Variants in PRDM5 observed in about 807,000 individuals in gnomAD.
The protein encoded by PRDM5 is PR/SET domain 5.
Under a neutral mutation model 81.2 loss-of-function variants are expected in PRDM5, and 56 were observed. That is an observed-to-expected ratio of 0.69 (90% CI 0.56 to 0.86). The LOEUF (loss-of-function observed/expected upper bound fraction) is 0.86. PRDM5 is among the 40% of genes least tolerant of loss of function. The pLI, the probability that PRDM5 is intolerant of heterozygous loss-of-function variation, is 0.00. For missense variants in PRDM5, 697 were observed against 770.1 expected (o/e 0.91, Z 1.12); for synonymous variants, 267 against 256.4 (o/e 1.04, Z -0.39).
chr4:120,838,277 T>C (rs548087709), intron 3 of PRDM5: 1 of 152,292 alleles, frequency 6.6e-6, no homozygotes, highest in East Asian at 1.9e-4. Flanking sequence ...GGGAATAAGA[T>C]AAAGCTTTTT....
intron 13 of PRDM5, among the ~76,000 whole-genome samples, chr4:120,774,912 ATG>A (rs1263974468): frequency 1.4e-5 from 2 of 147,502 alleles, no homozygotes; most frequent in Admixed American, 6.8e-5. Flanking sequence ...ATATATGTAT[ATG>A]TATATGTATA....
chr4:120,825,625 T>C lies in PRDM5; in HGVS notation c.301-4280A>G, dbSNP rs1578887477. ...GAGTCACCACTATCTATGACCTGGA[T>C]TAGTTTAATAGCCTCCCAGCTGTAA... On this transcript the variant is annotated intron_variant, in intron 3 of 15. Transcript: ENST00000264808. 2.0e-5 allele frequency among the ~76,000 whole-genome samples: 3 copies of C among 152,334 alleles called. No homozygotes were observed. The South Asian group carries it at 6.2e-4, about 32-fold the overall frequency.
intron 2 of PRDM5, among the ~76,000 whole-genome samples, chr4:120,871,322 T>C (rs1032045223): frequency 1.3e-5 from 2 of 152,192 alleles, no homozygotes; most frequent in Non-Finnish European, 2.9e-5. Flanking sequence ...TGAGCCCTAG[T>C]TCCCTCACTG....
At chr4:120,798,741 C>T (rs1030377722) in intron 9 of PRDM5, among the ~76,000 whole-genome samples, 4 of 152,144 alleles carry the variant, frequency 2.6e-5, no homozygotes, top group African/African-American at 4.8e-5. Flanking sequence ...AGGGTCAGGG[C>T]CCCAAATACA....
At chr4:120,855,597 T>C (rs1759782988) in intron 2 of PRDM5, among the ~76,000 whole-genome samples, 1 of 152,214 alleles carries the variant, frequency 6.6e-6, no homozygotes. Context: ...CAGTTCACAT[T>C]TTTTTGGCAG....
chr4:120,696,343 T>A (rs1734512954), intron 15 of PRDM5, among the ~76,000 whole-genome samples: 1 of 152,168 alleles, frequency 6.6e-6, no homozygotes, highest in Non-Finnish European at 1.5e-5. Context: ...TTTTACACAG[T>A]ACCTGTCACT....
downstream of PRDM5, among the ~76,000 whole-genome samples, chr4:120,684,296 T>C (rs563547473): frequency 1.3e-5 from 2 of 152,012 alleles, no homozygotes; most frequent in South Asian, 4.1e-4. Flanking sequence ...CCAAATAAGA[T>C]GAGAAATATT....
intron 15 of PRDM5, 37 bp downstream of exon 15, chr4:120,710,272 T>C (rs1736775199): frequency 3.2e-6 from 5 of 1,547,384 alleles, no homozygotes; most frequent in South Asian, 1.1e-5. Flanking sequence ...CTTTCTGTTA[T>C]TGGAAGACAC....
At chr4:120,823,727 C>T (rs974320470) in intron 3 of PRDM5, among the ~76,000 whole-genome samples, 9 of 152,214 alleles carry the variant, frequency 5.9e-5, no homozygotes, top group Admixed American at 5.2e-4. Context: ...CACCTGGAGG[C>T]TCATCCCAGG....
Position 120,842,703 on chromosome 4 carries a change from T to C in PRDM5, c.300+10715A>G, listed in dbSNP as rs193120143. On this transcript the variant is annotated intron_variant, in intron 3 of 15. Coordinates refer to ENST00000264808, the MANE Select transcript of PRDM5 (RefSeq NM_018699.4). The stretch of plus-strand genomic sequence containing the variant: ...ATTTTAAAATTTTTAAATTAAACAC[T>C]ATAATTTAATCTAAATATGAAATGT... 1.8e-4 allele frequency among the ~76,000 whole-genome samples: 28 copies of C among 152,340 alleles called. No individual in the cohort carries two copies. The East Asian group carries it at 5.2e-3, about 28-fold the overall frequency.
intron 14 of PRDM5, among the ~76,000 whole-genome samples, chr4:120,742,442 G>T (rs546811844): frequency 1.3e-5 from 2 of 152,194 alleles, no homozygotes; most frequent in African/African-American, 4.8e-5. Flanking sequence ...TGACTTTGAC[G>T]AGTTGAGAGA....
chr4:120,898,872 G>C (rs1434657789), intron 2 of PRDM5, among the ~76,000 whole-genome samples: 1 of 152,132 alleles, frequency 6.6e-6, no homozygotes, highest in African/African-American at 2.4e-5. Flanking sequence ...GCAGCAATCA[G>C]ACTGAAGACT....
At chr4:120,818,582 G>C in intron 4 of PRDM5, 55 bp from the exon 5 acceptor site, 1 of 1,427,300 alleles carries the variant, frequency 7.0e-7, no homozygotes, top group South Asian at 1.2e-5. Flanking sequence ...GCCAAGAAAT[G>C]CTCAGTTTTG....
At chr4:120,740,598 C>T (rs958002184) in intron 14 of PRDM5, among the ~76,000 whole-genome samples, 5 of 152,144 alleles carry the variant, frequency 3.3e-5, no homozygotes, top group African/African-American at 1.2e-4. Context: ...TAAACCTTGT[C>T]CAAACTTTGT....
intron 2 of PRDM5, among the ~76,000 whole-genome samples, chr4:120,858,803 A>C (rs1364297915): frequency 1.3e-5 from 2 of 152,200 alleles, no homozygotes; most frequent in Non-Finnish European, 2.9e-5. Context: ...AGTTAATATA[A>C]AAGTACTGAT....
intron 1 of PRDM5, among the ~76,000 whole-genome samples, chr4:120,915,384 C>A (rs1454973033): frequency 6.6e-6 from 1 of 152,146 alleles, no homozygotes; most frequent in African/African-American, 2.4e-5. Context: ...CTACAGCAAG[C>A]CCCAGACCCA....
At chr4:120,799,919 A>T (rs112970360) in intron 8 of PRDM5, among the ~76,000 whole-genome samples, 174 bp from the exon 9 acceptor site, 26 of 152,352 alleles carry the variant, frequency 1.7e-4, no homozygotes, top group African/African-American at 5.8e-4. Context: ...TGCAGTGGAC[A>T]TAAGTTATGT....
chr4:120,806,139 A>G (rs1186202154), intron 8 of PRDM5, among the ~76,000 whole-genome samples: 2 of 152,184 alleles, frequency 1.3e-5, no homozygotes, highest in East Asian at 3.9e-4. Context: ...TCCAACTTAC[A>G]AGGGATGTGA....
At chr4:120,910,433 A>C (rs941230533) in intron 1 of PRDM5, among the ~76,000 whole-genome samples, 4 of 152,186 alleles carry the variant, frequency 2.6e-5, no homozygotes, top group African/African-American at 9.7e-5. Flanking sequence ...TTCCAGCACC[A>C]GCTACCCAAT....
Sources: allele counts gnomAD v4.1 joint callset (sites outside exome capture counted in the v4.1 genomes callset), GRCh38; gene constraint gnomAD v4.1.1; transcripts MANE v1.5; gene names NCBI Gene and HGNC (gene_info 2026-07-23, HGNC 2026-07-21).